The following LRRC27 variants were observed in gnomAD, a reference collection of about 807,000 sequenced individuals.
LRRC27 encodes leucine-rich repeat-containing protein 27.
LRRC27 carries 57 observed loss-of-function variants against 55.0 expected under a neutral mutation model. That is an observed-to-expected ratio of 1.04 (90% CI 0.84 to 1.29). The LOEUF (loss-of-function observed/expected upper bound fraction) is 1.29. LRRC27 is among the 50% of genes most tolerant of loss of function. LRRC27 has a pLI of 0.00. For synonymous variants in LRRC27, 278 were observed against 251.9 expected (o/e 1.10, Z -0.98); for missense variants, 721 against 651.5 (o/e 1.11, Z -1.16).
At chr10:132,360,836 T>C (rs879847212) in intron 8 of LRRC27, among the ~76,000 whole-genome samples, 30 of 152,228 alleles carry the variant, frequency 2.0e-4, no homozygotes, top group Admixed American at 9.2e-4. Flanking sequence ...GTTTTTGTCA[T>C]CCGTTGGTTT....
At chr10:132,349,289 G>A (rs1357915256) in intron 6 of LRRC27, among the ~76,000 whole-genome samples, 1 of 152,226 alleles carries the variant, frequency 6.6e-6, no homozygotes, top group Non-Finnish European at 1.5e-5. Flanking sequence ...TCCAGCACGA[G>A]CAGGTTCACA....
intron 5 of LRRC27, 35 bp from the exon 6 acceptor site, chr10:132,347,949 A>G (rs1437267804): frequency 9.0e-6 from 14 of 1,549,664 alleles, no homozygotes; most frequent in African/African-American, 1.4e-5. Flanking sequence ...GATGGCGTTG[A>G]TGGTAGCTAC....
intron 9 of LRRC27, among the ~76,000 whole-genome samples, chr10:132,364,633 A>G (rs1336780737): frequency 1.1e-5 from 1 of 87,836 alleles, no homozygotes; most frequent in East Asian, 3.3e-4. Context: ...CTCCACGCCC[A>G]CACTTAACAC....
intron 8 of LRRC27, among the ~76,000 whole-genome samples, chr10:132,361,109 G>T (rs747514416): frequency 9.2e-5 from 14 of 152,206 alleles, no homozygotes; most frequent in Non-Finnish European, 1.8e-4. Flanking sequence ...ATCTAAGGAC[G>T]CCTGTAGGAA....
chr10:132,365,106 G>T (rs1259192694), intron 9 of LRRC27, among the ~76,000 whole-genome samples: 1 of 152,282 alleles, frequency 6.6e-6, no homozygotes, highest in Non-Finnish European at 1.5e-5. Flanking sequence ...GTGGTGCAGT[G>T]TGCAGTGTCC....
At position 132,374,926 on chromosome 10, in the gene LRRC27, G is replaced by A. The variant is rs1211556658; in HGVS notation, c.1417-140G>A. On this transcript the variant is annotated intron_variant, in intron 10 of 10. Transcript: ENST00000368614. This position sits in a 1 kb window ranked among gnomAD's most constrained non-coding sequence, Gnocchi z 4.4. ...GGGGGACCGCGCCGTGATGCGGCTT[G>A]CAGGGGCCCCGGGGCAGCGGGGCTG... 2 of 875,042 alleles carry A rather than the reference G, an allele frequency of 2.3e-6. No individual in the cohort carries two copies. The highest frequency in any genetic ancestry group is 3.6e-4 in the Middle Eastern group (1 of 2,754). The allele number at this position is 875,042 out of a possible 1,614,324, so 54.2% of individuals were successfully genotyped here.
At chr10:132,330,672 A>AT (rs57850207), upstream of LRRC27, among the ~76,000 whole-genome samples, 38,884 of 126,104 alleles carry the variant, frequency 0.31, 6,168 homozygotes, top group East Asian at 0.43. Context: ...CACACCCAGC[A>AT]TTTTTTTTTT....
intron 9 of LRRC27, among the ~76,000 whole-genome samples, chr10:132,363,447 G>C (rs1424832288): frequency 6.6e-6 from 1 of 152,162 alleles, no homozygotes; most frequent in Non-Finnish European, 1.5e-5. Flanking sequence ...CGGAGCCTCA[G>C]TGTGGACACA....
In LRRC27 at chr10:132,348,644, C is replaced by G. The variant is rs2067844912; in HGVS notation, c.926+288C>G. On this transcript the variant is annotated intron_variant, in intron 6 of 10. Transcript: ENST00000368614. The surrounding 1 kb of genome is among the most constrained non-coding windows in gnomAD (Gnocchi z 4.2). ...GTGAGATCTGTGGCCTGTGCTTTCTCCAGAGAGAGCTTTGAGGATGTCAGC... is the reference window on the plus strand; with the variant it reads ...GTGAGATCTGTGGCCTGTGCTTTCTGCAGAGAGAGCTTTGAGGATGTCAGC... Among the ~76,000 whole-genome samples the G allele has an allele frequency of 6.6e-6, 1 of 152,124 alleles. No individual in the cohort carries two copies. Among genetic ancestry groups the G allele is most frequent in the African/African-American group, 2.4e-5 (1 of 41,406 alleles).
At chr10:132,360,932 G>A (rs1253497880) in intron 8 of LRRC27, among the ~76,000 whole-genome samples, 1 of 151,558 alleles carries the variant, frequency 6.6e-6, no homozygotes, top group Non-Finnish European at 1.5e-5. Context: ...GCTCTCACAT[G>A]TGTCCACTGG....
At chr10:132,346,769 T>C (rs1409347798) in intron 5 of LRRC27, among the ~76,000 whole-genome samples, 2 of 152,248 alleles carry the variant, frequency 1.3e-5, no homozygotes, top group Admixed American at 6.5e-5. Context: ...AAATCAGTTG[T>C]CCACAGGCAG....
chr10:132,344,938 G>A (rs775429091), intron 5 of LRRC27: 13 of 266,772 alleles, frequency 4.9e-5, no homozygotes, highest in East Asian at 3.1e-4. Context: ...CAAGCCACCC[G>A]CAGGCGGCTG....
chr10:132,340,930 G>T (rs2067384034), intron 3 of LRRC27, among the ~76,000 whole-genome samples: 1 of 149,618 alleles, frequency 6.7e-6, no homozygotes. Context: ...AAGAAAGTAA[G>T]TAGAAAGAAA....
chr10:132,348,474 T>C lies in LRRC27; in HGVS notation c.926+118T>C. On this transcript the variant is annotated intron_variant, in intron 6 of 10. Transcript: ENST00000368614. The surrounding 1 kb of genome is among the most constrained non-coding windows in gnomAD (Gnocchi z 4.2). ...AAAGTGTCCTCCACGTTGCCACCGT[T>C]TACTGTGCAGTGAGTGCCGGTCCCA... is the stretch of plus-strand genomic sequence containing the variant. 1 of 1,389,794 alleles carries C rather than the reference T, an allele frequency of 7.2e-7. No individual in the cohort carries two copies. Among genetic ancestry groups the C allele is most frequent in the Admixed American group, 2.1e-5 (1 of 46,706 alleles). The allele number at this position is 1,389,794 out of a possible 1,614,324, so 86.1% of individuals were successfully genotyped here.
At chr10:132,358,057 T>C (rs999056570) in intron 8 of LRRC27, among the ~76,000 whole-genome samples, 2 of 152,242 alleles carry the variant, frequency 1.3e-5, no homozygotes, top group African/African-American at 4.8e-5. Flanking sequence ...CAGAGTGCTG[T>C]AGTCAGAGTC....
rs1564849499 is a variant in LRRC27 at position 132,361,535 on chromosome 10, C to A, written c.1249C>A (p.Pro417Thr). ...ACTGAATCCGCCTGGAAAAATGAAA[C>A]CAAGCAAAGAGAAATCGCCACAAGC... ...VPLNPPGKMK[P>T]SKEKSPQASK... Residue 417 changes from proline to threonine, a missense_variant, in exon 9 of 11, where the codon CCA becomes ACA. Physicochemically the swap from Pro to Thr is conservative, Grantham distance 38 (BLOSUM62 -1). Coordinates refer to ENST00000368614, the MANE Select transcript of LRRC27 (RefSeq NM_030626.3). 1 of 1,613,714 alleles carries A rather than the reference C, an allele frequency of 6.2e-7. No individual in the cohort carries two copies. The highest frequency in any genetic ancestry group is 8.5e-7 in the Non-Finnish European group (1 of 1,179,950).
At chr10:132,359,671 G>A (rs1590698149) in intron 8 of LRRC27, among the ~76,000 whole-genome samples, 1 of 152,392 alleles carries the variant, frequency 6.6e-6, no homozygotes, top group East Asian at 1.9e-4. Context: ...GATGGGGTGG[G>A]AGCCTTGAGG....
intron 7 of LRRC27, among the ~76,000 whole-genome samples, chr10:132,354,889 G>T (rs181904250): frequency 2.0e-5 from 3 of 152,180 alleles, no homozygotes; most frequent in African/African-American, 7.2e-5. Context: ...CCTTCCGGGG[G>T]TGGAGCCCTG....
intron 3 of LRRC27, among the ~76,000 whole-genome samples, chr10:132,341,268 G>T (rs999912112): frequency 1.4e-5 from 2 of 145,832 alleles, no homozygotes; most frequent in African/African-American, 5.2e-5. Flanking sequence ...TACCTGCGGG[G>T]ACTGAGGCGG....
Sources: gnomAD v4.1 joint callset for allele counts (sites outside exome capture counted in the v4.1 genomes callset) on GRCh38, gnomAD v4.1.1 for gene constraint, Gnocchi (gnomAD v3.1) non-coding constraint, MANE v1.5 for transcripts, NCBI Gene and HGNC (gene_info 2026-07-23, HGNC 2026-07-21) for gene names.